The following DNAJC1 variants were observed in gnomAD, a reference collection of about 807,000 sequenced individuals.
The protein encoded by DNAJC1 is DnaJ heat shock protein family (Hsp40) member C1.
In DNAJC1, 58 loss-of-function variants were observed where a neutral mutation model predicts 76.6. The ratio of observed to expected loss-of-function variants is 0.76; its 90% CI spans 0.61 to 0.94. The LOEUF is 0.94. DNAJC1 is among the 40% of genes least tolerant of loss of function. The pLI is 0.00. For missense variants in DNAJC1, 689 were observed against 677.3 expected, an observed-to-expected ratio of 1.02 and a Z score of -0.19; for synonymous variants, 258 against 267.9, an observed-to-expected ratio of 0.96 and a Z score of 0.36.
intron 11 of DNAJC1, among the ~76,000 whole-genome samples, chr10:21,757,466 C>G (rs1364076001): frequency 6.6e-6 from 1 of 152,186 alleles, no homozygotes; most frequent in Non-Finnish European, 1.5e-5. Context: ...GTAGCTTTTG[C>G]TGACTAAGGG....
intron 9 of DNAJC1, among the ~76,000 whole-genome samples, chr10:21,787,854 T>C (rs1589980554): frequency 6.6e-6 from 1 of 152,248 alleles, no homozygotes; most frequent in Admixed American, 6.5e-5. Context: ...ACAGCTTTGC[T>C]CCCCCAGAGG....
At chr10:21,974,038 G>A (rs1301108847) in intron 1 of DNAJC1, among the ~76,000 whole-genome samples, 3 of 150,648 alleles carry the variant, frequency 2.0e-5, no homozygotes, top group Non-Finnish European at 4.4e-5. Context: ...GGAGGCAGAG[G>A]TTGCAGTGAG....
intron 6 of DNAJC1, among the ~76,000 whole-genome samples, chr10:21,914,554 C>A (rs921367780): frequency 6.6e-6 from 1 of 152,094 alleles, no homozygotes; most frequent in Admixed American, 6.5e-5. Context: ...TTTATTCTGT[C>A]TAAATATTCT....
intron 8 of DNAJC1, among the ~76,000 whole-genome samples, chr10:21,881,405 T>A (rs770768205): frequency 2.6e-5 from 4 of 152,194 alleles, no homozygotes; most frequent in Non-Finnish European, 4.4e-5. Context: ...AACCATGCCT[T>A]CCGAACTAAG....
At chr10:21,805,512 T>C (rs1027586960) in intron 9 of DNAJC1, among the ~76,000 whole-genome samples, 1 of 151,644 alleles carries the variant, frequency 6.6e-6, no homozygotes, top group Non-Finnish European at 1.5e-5. Flanking sequence ...AAACGAACTG[T>C]TGCTATCATC....
chr10:21,938,234 A>G (rs1420367397), intron 1 of DNAJC1, among the ~76,000 whole-genome samples: 3 of 152,102 alleles, frequency 2.0e-5, no homozygotes, highest in Non-Finnish European at 2.9e-5. Context: ...TTTTTAAAGT[A>G]AAAAACAAAT....
intron 7 of DNAJC1, among the ~76,000 whole-genome samples, chr10:21,886,031 A>G (rs937975347): frequency 6.6e-6 from 1 of 152,160 alleles, no homozygotes; most frequent in Admixed American, 6.5e-5. Context: ...CATTCAAAAG[A>G]TAAACAAATC....
At chr10:21,852,309 G>A (rs1029692469) in intron 8 of DNAJC1, among the ~76,000 whole-genome samples, 2 of 152,064 alleles carry the variant, frequency 1.3e-5, no homozygotes, top group Admixed American at 6.5e-5. Flanking sequence ...TGGTTGTCAC[G>A]GGCTGGTGGA....
chr10:21,821,056 G>A (rs1284013749), intron 8 of DNAJC1, among the ~76,000 whole-genome samples: 1 of 152,160 alleles, frequency 6.6e-6, no homozygotes, highest in African/African-American at 2.4e-5. Context: ...CTAATAGACT[G>A]AGTAGGGAAA....
At chr10:21,841,937 G>C (rs1229731514) in intron 8 of DNAJC1, among the ~76,000 whole-genome samples, 1 of 152,042 alleles carries the variant, frequency 6.6e-6, no homozygotes, top group African/African-American at 2.4e-5. Context: ...ATGAGTTCAT[G>C]TCCTTTGTAG....
intron 8 of DNAJC1, among the ~76,000 whole-genome samples, chr10:21,843,220 T>A (rs916749666): frequency 1.3e-5 from 2 of 152,158 alleles, no homozygotes; most frequent in Non-Finnish European, 2.9e-5. Flanking sequence ...GTCACATACA[T>A]GTATATATTA....
intron 8 of DNAJC1, among the ~76,000 whole-genome samples, chr10:21,852,640 T>G (rs1320980220): frequency 6.6e-6 from 1 of 152,108 alleles, no homozygotes; most frequent in East Asian, 1.9e-4. Flanking sequence ...TATAAATTGG[T>G]TACAATTACT....
intron 9 of DNAJC1, among the ~76,000 whole-genome samples, chr10:21,798,936 A>G (rs1415004181): frequency 6.6e-6 from 1 of 152,210 alleles, no homozygotes; most frequent in Non-Finnish European, 1.5e-5. Flanking sequence ...TGATACAGCC[A>G]TATCAGAGTT....
chr10:21,891,519 G>A (rs572380457), intron 7 of DNAJC1, among the ~76,000 whole-genome samples: 15 of 141,916 alleles, frequency 1.1e-4, no homozygotes, highest in Admixed American at 4.3e-4. Flanking sequence ...AAAGAACACC[G>A]CCCTGGGAAG....
chr10:21,831,468 T>C (rs1835355533), intron 8 of DNAJC1, among the ~76,000 whole-genome samples: 1 of 152,222 alleles, frequency 6.6e-6, no homozygotes, highest in African/African-American at 2.4e-5. Context: ...TATACTATGA[T>C]TACTTTTGTT....
chr10:21,908,938 T>A (rs1590044090), intron 6 of DNAJC1, among the ~76,000 whole-genome samples: 1 of 151,878 alleles, frequency 6.6e-6, no homozygotes, highest in South Asian at 2.1e-4. Context: ...CAGGCTGGAG[T>A]GCAGTGACAT....
chr10:21,931,735 A>G lies in DNAJC1; in HGVS notation c.223-2594T>C, dbSNP rs181845517. 7.9e-5 allele frequency among the ~76,000 whole-genome samples: 12 copies of G among 152,322 alleles called. No homozygotes were observed. The East Asian group carries it at 2.3e-3, about 29-fold the overall frequency. ...CCTGGTACGTATTGGCTTGTCTAAT[A>G]CATTTGATATCACATTTCTATTAGA... On this transcript the variant is annotated intron_variant, in intron 1 of 11. Coordinates refer to ENST00000376980, the MANE Select transcript of DNAJC1 (RefSeq NM_022365.4).
chr10:22,002,125 T>C (rs1424761861), intron 1 of DNAJC1, among the ~76,000 whole-genome samples: 1 of 152,202 alleles, frequency 6.6e-6, no homozygotes, highest in Non-Finnish European at 1.5e-5. Flanking sequence ...AAAAGTTCAA[T>C]AGTTCACCCA....
At chr10:21,823,848 T>C (rs902134621) in intron 8 of DNAJC1, among the ~76,000 whole-genome samples, 1 of 152,040 alleles carries the variant, frequency 6.6e-6, no homozygotes, top group Non-Finnish European at 1.5e-5. Context: ...GTGGGCATCA[T>C]GGGTTGGACA....
Sources: gnomAD v4.1 joint callset for allele counts (sites outside exome capture counted in the v4.1 genomes callset) on GRCh38, gnomAD v4.1.1 for gene constraint, MANE v1.5 for transcripts, NCBI Gene and HGNC (gene_info 2026-07-23, HGNC 2026-07-21) for gene names.